STK10: variants seen among roughly 807,000 people sequenced by gnomAD.
The protein encoded by STK10 is serine/threonine-protein kinase 10.
In STK10, 78 loss-of-function variants were observed where a neutral mutation model predicts 113.8. The observed-to-expected ratio is 0.69, with a 90% CI of 0.57 to 0.83. STK10 has a LOEUF of 0.83. Ranked by LOEUF, STK10 falls within the 40% of genes least tolerant of loss-of-function variation. The pLI is 0.00. For missense variants in STK10, 1,109 were observed against 1,280.1 expected (o/e 0.87, Z 2.04); for synonymous variants, 465 against 494.7 (o/e 0.94, Z 0.80).
At position 172,120,465 on chromosome 5, in the gene STK10, C is replaced by T. The variant is rs1478074044; in HGVS notation, c.371-2835G>A. On this transcript the variant is annotated intron_variant, in intron 3 of 18. Coordinates refer to ENST00000176763, the MANE Select transcript of STK10 (RefSeq NM_005990.4). This position sits in a 1 kb window ranked among gnomAD's most constrained non-coding sequence, Gnocchi z 4.0. Reference sequence around the variant, plus strand: ...AGTCCGCAAGCTGCCTGCCCCCTGTCCCTGTGGCCTCATCCTGAACCTCTG... The same window carrying T: ...AGTCCGCAAGCTGCCTGCCCCCTGTTCCTGTGGCCTCATCCTGAACCTCTG... 6.6e-6 allele frequency among the ~76,000 whole-genome samples: 1 copy of T among 152,190 alleles called. No homozygotes were observed. Among genetic ancestry groups the T allele is most frequent in the Non-Finnish European group, 1.5e-5 (1 of 68,024 alleles).
At chr5:172,121,968 C>T (rs920504049) in intron 3 of STK10, among the ~76,000 whole-genome samples, 22 of 151,620 alleles carry the variant, frequency 1.5e-4, no homozygotes, top group African/African-American at 2.7e-4. Context: ...TGGGTTCAAG[C>T]GATTCTCCTG....
intron 3 of STK10, among the ~76,000 whole-genome samples, chr5:172,119,821 G>A (rs1050932223): frequency 9.3e-5 from 14 of 150,698 alleles, no homozygotes; most frequent in African/African-American, 2.7e-4. Flanking sequence ...CGGAGATCAC[G>A]CCACTGCACT....
chr5:172,147,939 T>C (rs183954025), intron 2 of STK10, among the ~76,000 whole-genome samples: 3 of 152,266 alleles, frequency 2.0e-5, no homozygotes, highest in Non-Finnish European at 4.4e-5. Context: ...AAAACCAATA[T>C]ACATGTGATC....
chr5:172,054,709 G>A lies in STK10; in HGVS notation c.2527-15C>T. ...TGCTGGGAGAACTGCACCAGAGAGA[G>A]GGTGGGTGCCTCAGGGGACCAGGGC... On this transcript the variant is annotated splice_polypyrimidine_tract_variant and intron_variant, in intron 16 of 18. Coordinates refer to ENST00000176763, the MANE Select transcript of STK10 (RefSeq NM_005990.4). 4.4e-6 allele frequency: 7 copies of A among 1,607,356 alleles called. No homozygotes were observed. Among genetic ancestry groups the A allele is most frequent in the Non-Finnish European group, 5.9e-6 (7 of 1,179,940 alleles).
At chr5:172,056,546 G>A (rs1767764204) in intron 15 of STK10, among the ~76,000 whole-genome samples, 1 of 152,050 alleles carries the variant, frequency 6.6e-6, no homozygotes, top group Admixed American at 6.6e-5. Context: ...AGGACAAAAA[G>A]AGGGAAAAGA....
At chr5:172,089,203 C>A (rs1768633366) in intron 10 of STK10, among the ~76,000 whole-genome samples, 1 of 152,232 alleles carries the variant, frequency 6.6e-6, no homozygotes, top group Non-Finnish European at 1.5e-5. Context: ...TCAGGGGCTT[C>A]CCTTGGAGCA....
intron 2 of STK10, among the ~76,000 whole-genome samples, chr5:172,149,930 C>A (rs1326173647): frequency 1.3e-5 from 2 of 151,412 alleles, no homozygotes; most frequent in African/African-American, 2.4e-5. Context: ...ACCTGTAATC[C>A]CAGCTACTCG....
At chr5:172,057,618 AT>A in intron 14 of STK10, 145 bp from the exon 15 acceptor site, 1 of 1,332,142 alleles carries the variant, frequency 7.5e-7, no homozygotes, top group Non-Finnish European at 1.0e-6. Flanking sequence ...GTTCTACCTC[AT>A]TAGACCATGT....
At chr5:172,097,427 G>C (rs1340011382) in intron 7 of STK10, among the ~76,000 whole-genome samples, 6 of 152,198 alleles carry the variant, frequency 3.9e-5, no homozygotes, top group Non-Finnish European at 5.9e-5. Context: ...GAAGGCTCCC[G>C]TCTCCCTTGG....
chr5:172,064,752 T>A lies in STK10; in HGVS notation c.2050A>T (p.Met684Leu), dbSNP rs367724546. The change falls in exon 13 of 19, where the codon ATG (methionine) becomes TTG (leucine). Residue 684 changes from methionine to leucine, a missense_variant. Coordinates refer to ENST00000176763, the MANE Select transcript of STK10 (RefSeq NM_005990.4). ...QQRKESMKQK[M>L]EEHTQKKQLL... ...TGCTTTTTCTGCGTGTGCTCCTCCA[T>A]CTTCTGCTTCATGCTTTCCTTCCGC... The A allele has an allele frequency of 1.9e-6, 3 of 1,614,158 alleles. No individual in the cohort carries two copies. The highest frequency in any genetic ancestry group is 1.7e-5 in the Admixed American group (1 of 60,022).
intron 10 of STK10, among the ~76,000 whole-genome samples, chr5:172,083,392 T>C (rs1395716295): frequency 1.3e-5 from 2 of 152,098 alleles, no homozygotes; most frequent in African/African-American, 2.4e-5. Context: ...TATATAGATA[T>C]AAAATACAAA....
chr5:172,077,709 A>G (rs1221600040), intron 12 of STK10, among the ~76,000 whole-genome samples: 1 of 152,004 alleles, frequency 6.6e-6, no homozygotes, highest in African/African-American at 2.4e-5. Context: ...CAATTGCTGT[A>G]ATACTGAAGA....
chr5:172,134,912 A>C (rs1488113216), intron 2 of STK10, among the ~76,000 whole-genome samples: 2 of 150,782 alleles, frequency 1.3e-5, no homozygotes, highest in African/African-American at 2.5e-5. Flanking sequence ...AGAAAGAACA[A>C]GACTTTATCT....
At chr5:172,086,132 G>C (rs932434499) in intron 10 of STK10, among the ~76,000 whole-genome samples, 1 of 152,178 alleles carries the variant, frequency 6.6e-6, no homozygotes, top group African/African-American at 2.4e-5. Context: ...TTACCTGTTG[G>C]GTCCTTTGAA....
At chr5:172,049,583 C>G (rs143971855) in intron 18 of STK10, among the ~76,000 whole-genome samples, 1 of 151,178 alleles carries the variant, frequency 6.6e-6, no homozygotes, top group East Asian at 2.0e-4. Flanking sequence ...GTGTGGTCCA[C>G]GAACCCCTAG....
At chr5:172,167,260 A>G (rs1296574756) in intron 1 of STK10, among the ~76,000 whole-genome samples, 2 of 151,160 alleles carry the variant, frequency 1.3e-5, no homozygotes, top group South Asian at 4.2e-4. Context: ...TGAAATCACT[A>G]AAGACAATGG....
intron 12 of STK10, among the ~76,000 whole-genome samples, chr5:172,066,682 G>A (rs1324735594): frequency 6.6e-6 from 1 of 152,182 alleles, no homozygotes; most frequent in Middle Eastern, 3.2e-3. Flanking sequence ...CAGCTCCTTG[G>A]GAAGGAGGCA....
intron 18 of STK10, among the ~76,000 whole-genome samples, chr5:172,052,454 G>A (rs1323520465): frequency 6.6e-6 from 1 of 152,246 alleles, no homozygotes; most frequent in Non-Finnish European, 1.5e-5. Context: ...AGCCCACCCA[G>A]ACTCTTGAAC....
chr5:172,164,476 A>G (rs1770529077), intron 1 of STK10, among the ~76,000 whole-genome samples: 1 of 152,196 alleles, frequency 6.6e-6, no homozygotes, highest in Admixed American at 6.5e-5. Flanking sequence ...TATATATAAG[A>G]AAACCGATGC....
Sources: allele counts gnomAD v4.1 joint callset (sites outside exome capture counted in the v4.1 genomes callset), GRCh38; gene constraint gnomAD v4.1.1; non-coding constraint Gnocchi (gnomAD v3.1); transcripts MANE v1.5; gene names NCBI Gene and HGNC (gene_info 2026-07-23, HGNC 2026-07-21).